CCNYL1: variants seen among roughly 807,000 people sequenced by gnomAD.
CCNYL1 encodes cyclin-Y-like protein 1.
Under a neutral mutation model 44.2 loss-of-function variants are expected in CCNYL1, and 16 were observed. The ratio of observed to expected loss-of-function variants is 0.36; its 90% CI spans 0.25 to 0.55. The LOEUF (loss-of-function observed/expected upper bound fraction) is 0.55. CCNYL1 is among the 20% of genes least tolerant of loss of function. The pLI is 0.85. For missense variants in CCNYL1, 348 were observed against 451.8 expected (o/e 0.77, Z 2.08); for synonymous variants, 159 against 163.2 (o/e 0.97, Z 0.20).
chr2:207,738,802 C>T (rs1336445368), intron 5 of CCNYL1, among the ~76,000 whole-genome samples: 4 of 152,024 alleles, frequency 2.6e-5, no homozygotes, highest in African/African-American at 9.7e-5. Context: ...TCACTGCAAC[C>T]TCCGCCTCCC....
chr2:207,737,410 G>C lies in CCNYL1; in HGVS notation c.432-1G>C, dbSNP rs1458033510. On this transcript the variant is annotated splice_acceptor_variant, in intron 4 of 9. Coordinates refer to ENST00000295414, the MANE Select transcript of CCNYL1 (RefSeq NM_001330218.2). LOFTEE classifies it high-confidence loss of function. Reference sequence around the variant, plus strand: ...AAAATAATTTTTTTTTCCCTTCACAGTGTGACCTTAGCAATATATTACCAC... The same window carrying C: ...AAAATAATTTTTTTTTCCCTTCACACTGTGACCTTAGCAATATATTACCAC... 2 of 1,607,896 alleles carry C rather than the reference G, an allele frequency of 1.2e-6. No homozygotes were observed. The highest frequency in any genetic ancestry group is 1.7e-6 in the Non-Finnish European group (2 of 1,175,664).
intron 9 of CCNYL1, among the ~76,000 whole-genome samples, chr2:207,751,989 T>C (rs1241026226): frequency 6.6e-6 from 1 of 150,920 alleles, no homozygotes; most frequent in African/African-American, 2.4e-5. Context: ...GAGCCAAGAT[T>C]GCACCGCTGC....
intron 1 of CCNYL1, among the ~76,000 whole-genome samples, chr2:207,720,745 G>C (rs2091634207): frequency 6.6e-6 from 1 of 152,126 alleles, no homozygotes; most frequent in East Asian, 1.9e-4. Flanking sequence ...TAAAAAAGGA[G>C]TTAAGTGCTA....
chr2:207,712,034 T>A lies in CCNYL1; in HGVS notation c.138T>A (p.Ala46=). Residue 46 remains alanine (A), a synonymous_variant, in exon 1 of 10, where the codon GCT becomes GCA. Coordinates refer to ENST00000295414, the MANE Select transcript of CCNYL1 (RefSeq NM_001330218.2). ...GGGACGCGGTGGCGGTAGCGCCCGC[T>A]GTGGTGGAGCCTGCCGAGTTGGATT... The part of the protein sequence containing the change: ...VSGDAVAVAP[A]VVEPAELDFG... The A allele has an allele frequency of 6.6e-7, 1 of 1,523,646 alleles. No homozygotes were observed. The allele number at this position is 1,523,646 out of a possible 1,614,324, so 94.4% of individuals were successfully genotyped here. A position where few individuals can be genotyped will look rare whatever the true frequency, so the allele number is the denominator to read the frequency against.
chr2:207,742,396 G>A lies in CCNYL1; in HGVS notation c.639+54G>A. The A allele has an allele frequency of 2.7e-6, 4 of 1,482,260 alleles. No individual in the cohort carries two copies. In the South Asian group the frequency reaches 4.0e-5, roughly 15 times the overall value. 91.8% of individuals were successfully genotyped at this position (1,482,260 alleles called of 1,614,324 possible). On this transcript the variant is annotated intron_variant, in intron 7 of 9. Coordinates refer to ENST00000295414, the MANE Select transcript of CCNYL1 (RefSeq NM_001330218.2). ...TTTAGAAATTAGTCTTGTACACAGG[G>A]TATGGTCCTATTTTTCAAATAAAAA...
At chr2:207,723,297 C>A (rs1355247014) in intron 1 of CCNYL1, among the ~76,000 whole-genome samples, 2 of 152,082 alleles carry the variant, frequency 1.3e-5, no homozygotes, top group Admixed American at 6.6e-5. Flanking sequence ...ATATAAGATT[C>A]TAACCAAATT....
At chr2:207,738,577 A>C (rs1167502664) in intron 5 of CCNYL1, among the ~76,000 whole-genome samples, 1 of 152,202 alleles carries the variant, frequency 6.6e-6, no homozygotes, top group Admixed American at 6.5e-5. Flanking sequence ...AAATGGTTAC[A>C]GTGGAATTTT....
intron 1 of CCNYL1, among the ~76,000 whole-genome samples, chr2:207,718,067 G>C (rs763545547): frequency 8.6e-5 from 13 of 151,678 alleles, no homozygotes; most frequent in Non-Finnish European, 1.9e-4. Flanking sequence ...ACCACACCCG[G>C]CTCATTTTTT....
intron 1 of CCNYL1, chr2:207,714,702 A>G (rs537820295): frequency 6.4e-6 from 1 of 157,260 alleles, no homozygotes; most frequent in African/African-American, 2.4e-5. Context: ...GAAAAGTTGG[A>G]AAAAGAGAAT....
At chr2:207,716,600 C>T (rs2091597464) in intron 1 of CCNYL1, among the ~76,000 whole-genome samples, 1 of 152,156 alleles carries the variant, frequency 6.6e-6, no homozygotes, top group African/African-American at 2.4e-5. Context: ...CTTCTAGTAA[C>T]TGCTTAATGT....
rs1332402786 is a variant in CCNYL1, at chr2:207,733,910, T to C, written c.331-37T>C. ...AAACCACACTTTTATAGGTTTAACT[T>C]ACTGTGACATTTTCTTCTATTTCCC... On this transcript the variant is annotated intron_variant, in intron 3 of 9. Coordinates refer to ENST00000295414, the MANE Select transcript of CCNYL1 (RefSeq NM_001330218.2). 3.8e-6 allele frequency: 5 copies of C among 1,329,266 alleles called. No individual in the cohort carries two copies. The Admixed American group carries it at 6.9e-5, about 18-fold the overall frequency. The allele number at this position is 1,329,266 out of a possible 1,614,324, so 82.3% of individuals were successfully genotyped here. A position where few individuals can be genotyped will look rare whatever the true frequency, so the allele number is the denominator to read the frequency against.
At position 207,724,804 on chromosome 2, in the gene CCNYL1, A is replaced by G. The variant is rs1478111822; in HGVS notation, c.225A>G (p.Leu75=). ...HISDREMPED[L]ALESNPSDHP... ...CTTTTTCCTCCTCTTCTATAGATTT[A>G]GCTTTGGAGTCAAACCCTTCTGACC... Residue 75 remains leucine (L), a synonymous_variant, in exon 2 of 10, where the codon TTA becomes TTG. Coordinates refer to ENST00000295414, the MANE Select transcript of CCNYL1 (RefSeq NM_001330218.2). 29 of 1,612,252 alleles carry G rather than the reference A, an allele frequency of 1.8e-5. No homozygotes were observed. The highest frequency in any genetic ancestry group is 2.0e-5 in the Non-Finnish European group (23 of 1,178,796).
chr2:207,748,363 A>T (rs932514812), intron 8 of CCNYL1, among the ~76,000 whole-genome samples: 1 of 152,180 alleles, frequency 6.6e-6, no homozygotes, highest in Admixed American at 6.5e-5. Flanking sequence ...GAGTGCAAGG[A>T]TCCTTGCTGA....
chr2:207,721,734 G>GTTTTTTTT (rs59024332), intron 1 of CCNYL1, among the ~76,000 whole-genome samples: 1 of 141,150 alleles, frequency 7.1e-6, no homozygotes. Context: ...GGAGTTTTTT[G>GTTTTTTTT]TTTTTTTTTT....
At chr2:207,739,526 G>A (rs1259922546) in intron 5 of CCNYL1, among the ~76,000 whole-genome samples, 1 of 152,172 alleles carries the variant, frequency 6.6e-6, no homozygotes, top group Non-Finnish European at 1.5e-5. Flanking sequence ...CACCACACCT[G>A]GCCACTTCTT....
At chr2:207,743,718 G>C (rs1158071737) in intron 7 of CCNYL1, among the ~76,000 whole-genome samples, 1 of 152,236 alleles carries the variant, frequency 6.6e-6, no homozygotes, top group African/African-American at 2.4e-5. Context: ...CAAGATAAGA[G>C]AGGCTATGGT....
Position 207,712,065 on chromosome 2 carries a change from G to A in CCNYL1, c.169G>A (p.Glu57Lys), listed in dbSNP as rs767565578. ...GGAGCCTGCCGAGTTGGATTTCGGAGAGGGCGAGGGCCACCACCTGCAGCA... is the reference window on the plus strand; with the variant it reads ...GGAGCCTGCCGAGTTGGATTTCGGAAAGGGCGAGGGCCACCACCTGCAGCA... ...VVEPAELDFG[E>K]GEGHHLQHIS... The change falls in exon 1 of 10, where the codon GAG (glutamate) becomes AAG (lysine). Residue 57 changes from glutamate (E) to lysine (K), a missense_variant. Physicochemically the swap from Glu to Lys is moderately conservative, Grantham distance 56 (BLOSUM62 1). This residue lies in a region of CCNYL1 where 209 missense variants were observed against 247.7 expected (regional missense o/e 0.84). Coordinates refer to ENST00000295414, the MANE Select transcript of CCNYL1 (RefSeq NM_001330218.2). 6.4e-7 allele frequency: 1 copy of A among 1,563,960 alleles called. No homozygotes were observed. Among genetic ancestry groups the A allele is most frequent in the South Asian group, 1.2e-5 (1 of 86,698 alleles).
In CCNYL1 at chr2:207,753,623, T is replaced by C. The variant is rs1267812955; in HGVS notation, c.1005T>C (p.Cys335=). The C allele has an allele frequency of 6.2e-7, 1 of 1,613,538 alleles. No individual in the cohort carries two copies. ...ISRLCEDKDL[C]RAAMRRSFSA... ...GATTGTGTGAAGACAAAGACTTGTG[T>C]AGAGCCGCTATGAGAAGGTCTTTCA... The change falls in exon 10 of 10, where the codon TGT becomes TGC. Residue 335 remains cysteine, a synonymous_variant. Coordinates refer to ENST00000295414, the MANE Select transcript of CCNYL1 (RefSeq NM_001330218.2).
intron 4 of CCNYL1, among the ~76,000 whole-genome samples, chr2:207,736,938 C>T (rs1276873398): frequency 4.7e-5 from 7 of 147,468 alleles, no homozygotes; most frequent in South Asian, 2.1e-4. Context: ...TTTTTTGAGA[C>T]GGAGTCTCGC....
Sources: allele counts gnomAD v4.1 joint callset (sites outside exome capture counted in the v4.1 genomes callset), GRCh38; gene constraint gnomAD v4.1.1; regional missense constraint gnomAD v4.1.1; transcripts MANE v1.5; gene names NCBI Gene and HGNC (gene_info 2026-07-23, HGNC 2026-07-21).